The following ADAM2 variants were observed in gnomAD, a reference collection of about 807,000 sequenced individuals.
ADAM2 encodes ADAM metallopeptidase domain 2.
A neutral mutation model predicts 99.3 loss-of-function variants in ADAM2; 101 were observed. That is an observed-to-expected ratio of 1.02 (90% confidence interval 0.87 to 1.20). The LOEUF (loss-of-function observed/expected upper bound fraction) is 1.20. Among genes scored for constraint, ADAM2 ranks in the 50% most tolerant of loss-of-function variants. The pLI is 0.00. For synonymous variants in ADAM2, 323 were observed against 287.6 expected (o/e 1.12, Z -1.25); for missense variants, 948 against 878.7 (o/e 1.08, Z -1.00).
intron 7 of ADAM2, among the ~76,000 whole-genome samples, chr8:39,808,158 A>G (rs1286315129): frequency 6.6e-6 from 1 of 151,398 alleles, no homozygotes; most frequent in Non-Finnish European, 1.5e-5. Flanking sequence ...TTTATCACAA[A>G]ATGATCCTGT....
chr8:39,761,330 A>AT (rs1418982147), intron 14 of ADAM2, 49 bp from the exon 15 acceptor site: 1 of 1,087,554 alleles, frequency 9.2e-7, no homozygotes, highest in Non-Finnish European at 1.3e-6. Context: ...TATTAATTAA[A>AT]AATAAATAAC....
Position 39,825,854 on chromosome 8 carries a change from T to C in ADAM2, c.189-957A>G, listed in dbSNP as rs528470924. On this transcript the variant is annotated intron_variant, in intron 3 of 20. Transcript: ENST00000265708. ...TCTTAGAATTTATTCCAGCAAAAAT[T>C]TATAAGAATATAGTTAAGTTGTTTC... 1.6e-3 allele frequency among the ~76,000 whole-genome samples: 244 copies of C among 152,298 alleles called. 2 individuals carry two copies. The highest frequency in any genetic ancestry group is 3.4e-3 in the Middle Eastern group (1 of 294).
intron 20 of ADAM2, among the ~76,000 whole-genome samples, chr8:39,744,333 C>T (rs745608363): frequency 5.9e-5 from 9 of 151,678 alleles, no homozygotes; most frequent in African/African-American, 1.5e-4. Context: ...AATATAATTC[C>T]GAAAAATAGT....
At position 39,796,983 on chromosome 8, in the gene ADAM2, C is replaced by G. The variant is rs1403773420; in HGVS notation, c.571-8243G>C. 4.6e-5 allele frequency among the ~76,000 whole-genome samples: 7 copies of G among 151,966 alleles called. No homozygotes were observed. In the East Asian group the frequency reaches 1.3e-3, roughly 29 times the overall value. The stretch of plus-strand genomic sequence containing the variant: ...TAGATTGCAAAAATTTTCTCCCACT[C>G]TGTACTCCGTAGGTTGCCTGTTCAC... On this transcript the variant is annotated intron_variant, in intron 7 of 20. Transcript: ENST00000265708.
Position 39,788,260 on chromosome 8 carries a change from G to C in ADAM2, c.643-9C>G. The C allele has an allele frequency of 6.8e-7, 1 of 1,472,236 alleles. No individual in the cohort carries two copies. Among genetic ancestry groups the C allele is most frequent in the Non-Finnish European group, 9.1e-7 (1 of 1,098,676 alleles). 91.2% of individuals were successfully genotyped at this position (1,472,236 alleles called of 1,614,324 possible). A position where few individuals can be genotyped will look rare whatever the true frequency, so the allele number is the denominator to read the frequency against. On this transcript the variant is annotated splice_polypyrimidine_tract_variant and intron_variant, in intron 8 of 20. Coordinates refer to ENST00000265708, the MANE Select transcript of ADAM2 (RefSeq NM_001464.5). ...TTAAATGAAACAAAAATCTAAAATA[G>C]AAAACATACAAAAGTGTGCTCAAAA...
chr8:39,780,192 AG>A (rs749658071), intron 10 of ADAM2, among the ~76,000 whole-genome samples: 8 of 152,226 alleles, frequency 5.3e-5, no homozygotes, highest in Non-Finnish European at 8.8e-5. Flanking sequence ...TGAAAGCATC[AG>A]GTCTCATAAG....
intron 16 of ADAM2, among the ~76,000 whole-genome samples, chr8:39,753,539 G>A (rs1802033719): frequency 6.6e-6 from 1 of 152,164 alleles, no homozygotes; most frequent in East Asian, 1.9e-4. Flanking sequence ...TGTCTCCAAG[G>A]CATATCAGAG....
intron 6 of ADAM2, among the ~76,000 whole-genome samples, chr8:39,814,659 C>T (rs1263160046): frequency 6.6e-6 from 1 of 151,844 alleles, no homozygotes; most frequent in Non-Finnish European, 1.5e-5. Context: ...TTGATTTATC[C>T]ATCAATAAAT....
chr8:39,821,025 A>T lies in ADAM2; in HGVS notation c.490T>A (p.Ser164Thr). ...ACCTCTACGCTTTGTAATTTAAAGG[A>T]CAGATCTCTTGATTCAATATCCTTC... ...NEKDIESRDL[S>T]FKLQSVEPQQ... The change falls in exon 6 of 21, where the codon TCC becomes ACC. Residue 164 changes from serine (S) to threonine (T), a missense_variant. Coordinates refer to ENST00000265708, the MANE Select transcript of ADAM2 (RefSeq NM_001464.5). 1 of 1,600,620 alleles carries T rather than the reference A, an allele frequency of 6.2e-7. No individual in the cohort carries two copies. The highest frequency in any genetic ancestry group is 8.5e-7 in the Non-Finnish European group (1 of 1,171,906).
chr8:39,778,394 A>T (rs1380649427), intron 10 of ADAM2, among the ~76,000 whole-genome samples: 1 of 152,050 alleles, frequency 6.6e-6, no homozygotes, highest in Non-Finnish European at 1.5e-5. Context: ...AGAGAATGAG[A>T]TGTGAATGAA....
At chr8:39,768,260 C>T (rs74780091) in intron 12 of ADAM2, among the ~76,000 whole-genome samples, 2,230 of 152,030 alleles carry the variant, frequency 0.015, 61 homozygotes, top group African/African-American at 0.051. Flanking sequence ...AAGTGGGTGA[C>T]GAGGAACAAT....
At chr8:39,815,666 T>A (rs974361260) in intron 6 of ADAM2, among the ~76,000 whole-genome samples, 21 of 152,288 alleles carry the variant, frequency 1.4e-4, no homozygotes, top group African/African-American at 4.6e-4. Flanking sequence ...TTACATGAAA[T>A]TTTTAACCAA....
At chr8:39,804,029 T>C (rs1378182217) in intron 7 of ADAM2, among the ~76,000 whole-genome samples, 1 of 152,178 alleles carries the variant, frequency 6.6e-6, no homozygotes, top group Non-Finnish European at 1.5e-5. Flanking sequence ...TTCGTGGTAA[T>C]GGCAAGGAAA....
chr8:39,779,092 T>C (rs1803116528), intron 10 of ADAM2, among the ~76,000 whole-genome samples: 1 of 152,126 alleles, frequency 6.6e-6, no homozygotes, highest in African/African-American at 2.4e-5. Context: ...CCTTTTATTG[T>C]ATTTCCTTTC....
chr8:39,755,173 T>C (rs1312844007), intron 16 of ADAM2, among the ~76,000 whole-genome samples: 1 of 152,186 alleles, frequency 6.6e-6, no homozygotes, highest in African/African-American at 2.4e-5. Context: ...TTTAATAAAA[T>C]ACAGTAAATG....
At chr8:39,751,917 A>G (rs1446170252) in intron 16 of ADAM2, among the ~76,000 whole-genome samples, 1 of 151,838 alleles carries the variant, frequency 6.6e-6, no homozygotes, top group Non-Finnish European at 1.5e-5. Flanking sequence ...ACTGCAGCCT[A>G]TGCTTCCTGG....
chr8:39,788,497 G>A (rs1420225190), intron 8 of ADAM2, among the ~76,000 whole-genome samples, 172 bp downstream of exon 8: 3 of 151,726 alleles, frequency 2.0e-5, no homozygotes, highest in African/African-American at 7.2e-5. Flanking sequence ...TCTTACAGTA[G>A]CCAAATTATG....
Position 39,744,847 on chromosome 8 carries a change from T to G in ADAM2, c.*13A>C. Reference sequence around the variant, plus strand: ...AAACTCACAGTGATATCATGGCATCTCTGTTGTCCAGACTACCCTTTAGGT... The same window carrying G: ...AAACTCACAGTGATATCATGGCATCGCTGTTGTCCAGACTACCCTTTAGGT... On this transcript the variant is annotated 3_prime_UTR_variant, in exon 20 of 21. Transcript: ENST00000265708. 1 of 1,589,474 alleles carries G rather than the reference T, an allele frequency of 6.3e-7. No homozygotes were observed. Among genetic ancestry groups the G allele is most frequent in the Non-Finnish European group, 8.5e-7 (1 of 1,169,646 alleles).
In ADAM2 at chr8:39,787,977, G is replaced by A. The variant is rs550626063; in HGVS notation, c.809+108C>T. On this transcript the variant is annotated intron_variant, in intron 9 of 20. Transcript: ENST00000265708. The stretch of plus-strand genomic sequence containing the variant: ...TGAAAAATATTTACATGGCGTGTGT[G>A]AGAAAAAAATAGATTTTTTTAATAC... 3.0e-4 allele frequency: 197 copies of A among 666,194 alleles called. No homozygotes were observed. The African/African-American group carries it at 3.4e-3, about 12-fold the overall frequency. The allele number at this position is 666,194 out of a possible 1,614,324, so 41.3% of individuals were successfully genotyped here. A position where few individuals can be genotyped will look rare whatever the true frequency, so the allele number is the denominator to read the frequency against.
Sources: allele counts gnomAD v4.1 joint callset (sites outside exome capture counted in the v4.1 genomes callset), GRCh38; gene constraint gnomAD v4.1.1; transcripts MANE v1.5; gene names NCBI Gene and HGNC (gene_info 2026-07-23, HGNC 2026-07-21).